SGSM2: variants seen among roughly 807,000 people sequenced by gnomAD.
The protein encoded by SGSM2 is small G protein signaling modulator 2, also known as RUN and TBC1 domain containing 1.
SGSM2 carries 89 observed loss-of-function variants against 126.6 expected under a neutral mutation model. That is an observed-to-expected ratio of 0.70 (90% CI 0.59 to 0.84). The LOEUF (loss-of-function observed/expected upper bound fraction) is 0.84, where lower values mean the gene tolerates loss of function less well. Among genes scored for constraint, SGSM2 ranks in the 40% least tolerant of loss-of-function variants. The pLI is 0.00. For synonymous variants in SGSM2, 614 were observed against 574.3 expected (o/e 1.07, Z -0.99); for missense variants, 1,404 against 1,416.6 (o/e 0.99, Z 0.14).
intron 9 of SGSM2, 69 bp downstream of exon 9, chr17:2,364,732 G>A (rs770958098): frequency 3.8e-5 from 60 of 1,582,194 alleles, no homozygotes; most frequent in African/African-American, 5.4e-5. Flanking sequence ...TGCACTGTGC[G>A]TGGGGCCTGT....
chr17:2,379,288 T>C, intron 23 of SGSM2, 85 bp downstream of exon 23: 1 of 1,570,296 alleles, frequency 6.4e-7, no homozygotes, highest in Non-Finnish European at 8.7e-7. Context: ...TGGAGGGTTC[T>C]CAGGAATCCT....
rs1007612580 is a variant in SGSM2 at position 2,377,497 on chromosome 17, A to C, written c.2803-360A>C. On this transcript the variant is annotated intron_variant, in intron 21 of 23. Coordinates refer to ENST00000268989, the MANE Select transcript of SGSM2 (RefSeq NM_014853.3). ...AGACTCTGTCTCAAAAAAAAAAAAA[A>C]AAACCATGGTTTCAGCGTTAGAAAT... 23 of 195,762 alleles carry C rather than the reference A, an allele frequency of 1.2e-4. No homozygotes were observed. The South Asian group carries it at 1.4e-3, about 12-fold the overall frequency. The allele number at this position is 195,762 out of a possible 1,614,324, so 12.1% of individuals were successfully genotyped here.
At position 2,362,821 on chromosome 17, in the gene SGSM2, T is replaced by A. The variant is rs766229103; in HGVS notation, c.459-17T>A. On this transcript the variant is annotated splice_polypyrimidine_tract_variant and intron_variant, in intron 4 of 23. Transcript: ENST00000268989. The surrounding 1 kb of genome is among the most constrained non-coding windows in gnomAD (Gnocchi z 4.9). ...AGCCCCGGAGCCTCGGCAGTCACAC[T>A]GTCTGTCTCCTGGCAGCAAGTACTA... 1 of 1,613,794 alleles carries A rather than the reference T, an allele frequency of 6.2e-7. No individual in the cohort carries two copies. Among genetic ancestry groups the A allele is most frequent in the South Asian group, 1.1e-5 (1 of 91,080 alleles).
rs1172671034 is a variant in SGSM2 at position 2,354,838 on chromosome 17, G to T, written c.134-6799G>T. Among the ~76,000 whole-genome samples the T allele has an allele frequency of 3.9e-5, 6 of 152,214 alleles. 1 individual carries two copies. The highest frequency in any genetic ancestry group is 1.2e-4 in the African/African-American group (5 of 41,450). Reference sequence around the variant, plus strand: ...GGAATGGTGAAATCAGTGTGTAAGGGTTGGGGGCAGGGACCCTATATCTTA... The same window carrying T: ...GGAATGGTGAAATCAGTGTGTAAGGTTTGGGGGCAGGGACCCTATATCTTA... On this transcript the variant is annotated intron_variant, in intron 2 of 23. Transcript: ENST00000268989.
intron 17 of SGSM2, chr17:2,373,801 A>G (rs1383106158): frequency 3.5e-5 from 14 of 402,612 alleles, no homozygotes; most frequent in Non-Finnish European, 4.5e-5. Context: ...CTCCTTGTAG[A>G]AAGACCTCAA....
intron 2 of SGSM2, among the ~76,000 whole-genome samples, chr17:2,351,871 G>A (rs2064870033): frequency 6.6e-6 from 1 of 152,100 alleles, no homozygotes; most frequent in South Asian, 2.1e-4. Flanking sequence ...TCTTGTTTTG[G>A]GGGTTGAGCA....
chr17:2,364,208 A>G (rs368417469), intron 8 of SGSM2, 25 bp downstream of exon 8: 485 of 1,612,976 alleles, frequency 3.0e-4, no homozygotes, highest in Non-Finnish European at 3.8e-4. Flanking sequence ...ACTCAATCCC[A>G]GGAGCCAGGG....
At chr17:2,357,124 G>A (rs2065119912) in intron 2 of SGSM2, among the ~76,000 whole-genome samples, 1 of 152,118 alleles carries the variant, frequency 6.6e-6, no homozygotes, top group African/African-American at 2.4e-5. Flanking sequence ...ATCGGGGCTG[G>A]TGAAGGGAGC....
Position 2,379,875 on chromosome 17 carries a change from G to GGTA in SGSM2, c.*356_*357insTAG. On this transcript the variant is annotated 3_prime_UTR_variant, in exon 24 of 24. Coordinates refer to ENST00000268989, the MANE Select transcript of SGSM2 (RefSeq NM_014853.3). ...ACCTGGGGCCCCACAGGATTAACAG[G>GGTA]GGCTATAGCGGCCTGGGCCCTACTC... 7.7e-7 allele frequency: 1 copy of GGTA among 1,301,388 alleles called. No homozygotes were observed. Among genetic ancestry groups the GGTA allele is most frequent in the Non-Finnish European group, 9.8e-7 (1 of 1,018,942 alleles). The allele number at this position is 1,301,388 out of a possible 1,614,324, so 80.6% of individuals were successfully genotyped here. A position where few individuals can be genotyped will look rare whatever the true frequency, so the allele number is the denominator to read the frequency against.
intron 1 of SGSM2, among the ~76,000 whole-genome samples, chr17:2,340,447 G>GAA (rs1172981801): frequency 6.6e-6 from 1 of 152,114 alleles, no homozygotes; most frequent in Non-Finnish European, 1.5e-5. Flanking sequence ...CCAGTGCTTA[G>GAA]AAACTGGACT....
Position 2,380,652 on chromosome 17 carries a change from C to T in SGSM2, c.*1132C>T, listed in dbSNP as rs1379689761. ...CCCAGGCCTAGGCATGCTGCTTGCTCGGCCATCCCCACTTCCTCCTCTACC... is the reference window on the plus strand; with the variant it reads ...CCCAGGCCTAGGCATGCTGCTTGCTTGGCCATCCCCACTTCCTCCTCTACC... On this transcript the variant is annotated 3_prime_UTR_variant, in exon 24 of 24. Transcript: ENST00000268989. The T allele has an allele frequency of 1.9e-5, 7 of 366,084 alleles. No individual in the cohort carries two copies. The highest frequency in any genetic ancestry group is 4.4e-5 in the Admixed American group (1 of 22,756). 22.7% of individuals were successfully genotyped at this position (366,084 alleles called of 1,614,324 possible).
chr17:2,337,662 C>G lies in SGSM2; in HGVS notation c.-27C>G. The G allele has an allele frequency of 2.8e-6, 4 of 1,443,678 alleles. No homozygotes were observed. The highest frequency in any genetic ancestry group is 3.7e-6 in the Non-Finnish European group (4 of 1,084,988). 89.4% of individuals were successfully genotyped at this position (1,443,678 alleles called of 1,614,324 possible). A position where few individuals can be genotyped will look rare whatever the true frequency, so the allele number is the denominator to read the frequency against. On this transcript the variant is annotated 5_prime_UTR_variant, in exon 1 of 24. Transcript: ENST00000268989. This position sits in a 1 kb window ranked among gnomAD's most constrained non-coding sequence, Gnocchi z 5.1. ...GGCGAGGGCGCGGGGGCTCTGAGGACCGCTCGGCGCCGCCTCCTGCCACAC... is the reference window on the plus strand; with the variant it reads ...GGCGAGGGCGCGGGGGCTCTGAGGAGCGCTCGGCGCCGCCTCCTGCCACAC...
chr17:2,362,090 G>A lies in SGSM2; in HGVS notation c.297-19G>A. 1 of 1,603,994 alleles carries A rather than the reference G, an allele frequency of 6.2e-7. No homozygotes were observed. The highest frequency in any genetic ancestry group is 8.5e-7 in the Non-Finnish European group (1 of 1,176,398). On this transcript the variant is annotated intron_variant, in intron 3 of 23. Transcript: ENST00000268989. This position sits in a 1 kb window ranked among gnomAD's most constrained non-coding sequence, Gnocchi z 4.9. ...ACCCCTAGACCACTGCACTCCTGGAGCCCTCCCCGCCTTTGCAGGAAACCC... is the reference window on the plus strand; with the variant it reads ...ACCCCTAGACCACTGCACTCCTGGAACCCTCCCCGCCTTTGCAGGAAACCC...
chr17:2,337,814 C>G lies in SGSM2; in HGVS notation c.57+69C>G. The G allele has an allele frequency of 8.0e-7, 1 of 1,244,588 alleles. No homozygotes were observed. The highest frequency in any genetic ancestry group is 1.1e-6 in the Non-Finnish European group (1 of 937,874). The allele number at this position is 1,244,588 out of a possible 1,614,324, so 77.1% of individuals were successfully genotyped here. ...GCGCGGCCCAGGGGGCAGAAAGGTC[C>G]GCGCCCACCCCCCGGCGCGGGCACC... On this transcript the variant is annotated intron_variant, in intron 1 of 23. Coordinates refer to ENST00000268989, the MANE Select transcript of SGSM2 (RefSeq NM_014853.3). This position sits in a 1 kb window ranked among gnomAD's most constrained non-coding sequence, Gnocchi z 5.1.
intron 18 of SGSM2, 47 bp from the exon 19 acceptor site, chr17:2,376,089 TG>T: frequency 6.2e-7 from 1 of 1,612,000 alleles, no homozygotes; most frequent in Non-Finnish European, 8.5e-7. Flanking sequence ...GCCCCCAGCC[TG>T]GGAAGGGCTG....
intron 2 of SGSM2, among the ~76,000 whole-genome samples, chr17:2,350,565 G>A (rs1484586641): frequency 1.3e-5 from 2 of 151,668 alleles, no homozygotes; most frequent in African/African-American, 2.4e-5. Context: ...AGCCGAGACC[G>A]TACCACTGCA....
intron 1 of SGSM2, among the ~76,000 whole-genome samples, chr17:2,342,447 A>G (rs962138733): frequency 6.6e-6 from 1 of 151,994 alleles, no homozygotes; most frequent in African/African-American, 2.4e-5. Flanking sequence ...CAAAAAAAGT[A>G]TAAAAACCCA....
At chr17:2,340,335 G>T (rs568413148) in intron 1 of SGSM2, among the ~76,000 whole-genome samples, 1 of 151,904 alleles carries the variant, frequency 6.6e-6, no homozygotes, top group South Asian at 2.1e-4. Flanking sequence ...GGATAGTCTC[G>T]ATCTCCTGAC....
At chr17:2,350,695 C>T (rs1208652793) in intron 2 of SGSM2, among the ~76,000 whole-genome samples, 1 of 152,070 alleles carries the variant, frequency 6.6e-6, no homozygotes, top group Non-Finnish European at 1.5e-5. Context: ...TGGAAGGTGA[C>T]CTCAGAGACA....
Sources: allele counts gnomAD v4.1 joint callset (sites outside exome capture counted in the v4.1 genomes callset), GRCh38; gene constraint gnomAD v4.1.1; non-coding constraint Gnocchi (gnomAD v3.1); transcripts MANE v1.5; gene names NCBI Gene and HGNC (gene_info 2026-07-23, HGNC 2026-07-21).